The following KANK2 variants were observed in gnomAD, a reference collection of about 807,000 sequenced individuals.
The protein encoded by KANK2 is KN motif and ankyrin repeat domain-containing protein 2.
In KANK2, 41 loss-of-function variants were observed where a neutral mutation model predicts 74.6. The ratio of observed to expected loss-of-function variants is 0.55; its 90% CI spans 0.43 to 0.71. The LOEUF (loss-of-function observed/expected upper bound fraction) is 0.71, where lower values mean the gene tolerates loss of function less well. Ranked by LOEUF, KANK2 falls within the 30% of genes least tolerant of loss-of-function variation. The probability of loss-of-function intolerance (pLI) is 0.00; values close to 1 mark genes in which losing one functional copy is unlikely to be tolerated. For synonymous variants in KANK2, 537 were observed against 519.0 expected, an observed-to-expected ratio of 1.03 and a Z score of -0.47; for missense variants, 1,148 against 1,196.4, an observed-to-expected ratio of 0.96 and a Z score of 0.60.
Position 11,187,232 on chromosome 19 carries a change from G to T in KANK2, c.1249+5599C>A, listed in dbSNP as rs185055750. 8.4e-4 allele frequency among the ~76,000 whole-genome samples: 127 copies of T among 151,974 alleles called. 1 individual carries two copies. The highest frequency in any genetic ancestry group is 1.6e-3 in the Non-Finnish European group (108 of 68,012). On this transcript the variant is annotated intron_variant, in intron 4 of 12. Transcript: ENST00000586659. The stretch of plus-strand genomic sequence containing the variant: ...AGATCACGCCACTGCACTCCACCCT[G>T]GGCAACAGAGCGAGATTCCATCTCA...
At chr19:11,171,926 G>A (rs1182382184) in intron 10 of KANK2, among the ~76,000 whole-genome samples, 2 of 149,500 alleles carry the variant, frequency 1.3e-5, no homozygotes, top group African/African-American at 4.9e-5. Flanking sequence ...TGCCCACTTT[G>A]GCCTCCCAAA....
At chr19:11,176,193 C>T (rs1361741191) in intron 7 of KANK2, among the ~76,000 whole-genome samples, 1 of 152,172 alleles carries the variant, frequency 6.6e-6, no homozygotes, top group African/African-American at 2.4e-5. Flanking sequence ...AGAGTGGACA[C>T]ACAAGCCAAA....
Position 11,193,654 on chromosome 19 carries a change from G to A in KANK2, c.426C>T (p.Pro142=). The change falls in exon 4 of 13, where the codon CCC becomes CCT. Residue 142 remains proline (P), a synonymous_variant. Coordinates refer to ENST00000586659, the MANE Select transcript of KANK2 (RefSeq NM_001136191.3). The surrounding 1 kb of genome is among the most constrained non-coding windows in gnomAD (Gnocchi z 9.6). ...TGGGGGTCAGGGAGCCCAGGCCGGT[G>A]GGTGTGGCCGCCTGGTCCTCGAGAC... is the stretch of plus-strand genomic sequence containing the variant. ...RRRLEDQAAT[P]TGLGSLTPSA... The A allele has an allele frequency of 6.2e-7, 1 of 1,600,802 alleles. No individual in the cohort carries two copies. The highest frequency in any genetic ancestry group is 2.2e-5 in the East Asian group (1 of 44,654).
chr19:11,177,267 T>C (rs2078371990), intron 6 of KANK2, among the ~76,000 whole-genome samples: 1 of 152,122 alleles, frequency 6.6e-6, no homozygotes, highest in Non-Finnish European at 1.5e-5. Context: ...TTGTATTTTT[T>C]AGTAGAGTCG....
intron 12 of KANK2, 86 bp from the exon 13 acceptor site, chr19:11,166,697 G>T: frequency 7.6e-7 from 1 of 1,313,930 alleles, no homozygotes; most frequent in Non-Finnish European, 1.1e-6. Context: ...TGGTAGATAT[G>T]ATGGGTAAGC....
chr19:11,186,302 C>T (rs931307135), intron 4 of KANK2, among the ~76,000 whole-genome samples: 15 of 151,970 alleles, frequency 9.9e-5, no homozygotes, highest in Admixed American at 7.2e-4. Flanking sequence ...GCACAAGAAT[C>T]GCTTGAACCT....
intron 4 of KANK2, among the ~76,000 whole-genome samples, chr19:11,188,852 T>C (rs1323942492): frequency 6.6e-6 from 1 of 151,570 alleles, no homozygotes; most frequent in East Asian, 2.0e-4. Context: ...GGTGTGGTGG[T>C]GGGTGCCTGT....
Position 11,193,067 on chromosome 19 carries a change from T to TC in KANK2, c.1012dup (p.Glu338GlyfsTer35), listed in dbSNP as rs1452140605. ...GGCTGTGCTGGCCACCACCTCCACC[T>TC]CCCGTGGCCCTTCTACCACCCGGAC... is the stretch of plus-strand genomic sequence containing the variant. On this transcript the variant is annotated frameshift_variant, in exon 4 of 13. Coordinates refer to ENST00000586659, the MANE Select transcript of KANK2 (RefSeq NM_001136191.3). LOFTEE classifies it high-confidence loss of function. The surrounding 1 kb of genome is among the most constrained non-coding windows in gnomAD (Gnocchi z 9.6). The TC allele has an allele frequency of 6.2e-7, 1 of 1,610,246 alleles. No individual in the cohort carries two copies. The highest frequency in any genetic ancestry group is 8.5e-7 in the Non-Finnish European group (1 of 1,178,464).
At chr19:11,189,908 A>G (rs12979620) in intron 4 of KANK2, among the ~76,000 whole-genome samples, 10,978 of 152,048 alleles carry the variant, frequency 0.072, 471 homozygotes, top group Admixed American at 0.095. Flanking sequence ...GAACCTCAGG[A>G]CCTGGTGTTT....
chr19:11,191,894 C>CA (rs897950895), intron 4 of KANK2, among the ~76,000 whole-genome samples: 4 of 151,914 alleles, frequency 2.6e-5, no homozygotes, highest in Non-Finnish European at 4.4e-5. Context: ...TTTGTCTCTA[C>CA]AAAAAATAAA....
At chr19:11,189,646 AAATG>A (rs2078784529) in intron 4 of KANK2, among the ~76,000 whole-genome samples, 1 of 150,936 alleles carries the variant, frequency 6.6e-6, no homozygotes, top group East Asian at 1.9e-4. Context: ...GAAGATATAG[AAATG>A]AATTAAGACA....
At chr19:11,179,493 T>C (rs1310417317) in intron 4 of KANK2, among the ~76,000 whole-genome samples, 2 of 145,706 alleles carry the variant, frequency 1.4e-5, no homozygotes, top group African/African-American at 5.1e-5. Context: ...AAAAATTAGC[T>C]GGGCGTGGTG....
intron 4 of KANK2, among the ~76,000 whole-genome samples, chr19:11,183,707 G>A (rs2147518666): frequency 6.6e-6 from 1 of 151,032 alleles, no homozygotes; most frequent in African/African-American, 2.4e-5. Flanking sequence ...CTGAAGTGGA[G>A]TGGAGCCATC....
intron 10 of KANK2, among the ~76,000 whole-genome samples, chr19:11,171,335 T>C (rs2147389964): frequency 6.6e-6 from 1 of 152,168 alleles, no homozygotes; most frequent in Non-Finnish European, 1.5e-5. Context: ...CAGTCCCAGC[T>C]ACTTGGTGGC....
chr19:11,171,965 C>T (rs577142056), intron 10 of KANK2, among the ~76,000 whole-genome samples: 66 of 149,832 alleles, frequency 4.4e-4, no homozygotes, highest in Middle Eastern at 3.5e-3. Context: ...TGAGCCACCG[C>T]ACCCGGCTAA....
intron 4 of KANK2, among the ~76,000 whole-genome samples, chr19:11,179,446 G>A (rs1345507799): frequency 6.6e-6 from 1 of 151,670 alleles, no homozygotes; most frequent in Non-Finnish European, 1.5e-5. Context: ...AGACCAGCCT[G>A]GCCAACATGG....
intron 2 of KANK2, 188 bp from the exon 3 acceptor site, chr19:11,194,778 C>A: frequency 2.5e-6 from 1 of 403,252 alleles, no homozygotes; most frequent in Non-Finnish European, 4.6e-6. Flanking sequence ...AGGTCTGGAA[C>A]AAAGAAACCA....
rs2079001941 is a variant in KANK2 at position 11,195,791 on chromosome 19, C to T, written c.-249G>A. 6.6e-6 allele frequency: 1 copy of T among 152,354 alleles called. No homozygotes were observed. Among genetic ancestry groups the T allele is most frequent in the Non-Finnish European group, 1.5e-5 (1 of 68,176 alleles). The allele number at this position is 152,354 out of a possible 1,614,324, so 9.4% of individuals were successfully genotyped here. ...TGTCTCTCTCCCTGTCTTTCCACGT[C>T]TCTGTCTTCGCTTCTCTGTCTTTCA... On this transcript the variant is annotated 5_prime_UTR_variant, in exon 2 of 13. Transcript: ENST00000586659.
At chr19:11,174,740 C>T (rs368580997) in intron 8 of KANK2, 48 bp from the exon 9 acceptor site, 83 of 1,433,172 alleles carry the variant, frequency 5.8e-5, no homozygotes, top group Non-Finnish European at 1.5e-5. Flanking sequence ...GGGAGGCCCA[C>T]TGGGACACCC....
Sources: gnomAD v4.1 joint callset for allele counts (sites outside exome capture counted in the v4.1 genomes callset) on GRCh38, gnomAD v4.1.1 for gene constraint, Gnocchi (gnomAD v3.1) non-coding constraint, MANE v1.5 for transcripts, NCBI Gene and HGNC (gene_info 2026-07-23, HGNC 2026-07-21) for gene names.